Variants in PCDHGA2 observed in about 807,000 individuals in gnomAD.
The protein encoded by PCDHGA2 is protocadherin gamma-A2.
In PCDHGA2, 40 loss-of-function variants were observed where a neutral mutation model predicts 59.2. That is an observed-to-expected ratio of 0.68 (90% confidence interval 0.52 to 0.88). The LOEUF (loss-of-function observed/expected upper bound fraction) is 0.88. Among genes scored for constraint, PCDHGA2 ranks in the 40% least tolerant of loss-of-function variants. The pLI is 0.00. For missense variants in PCDHGA2, 1,226 were observed against 1,204.0 expected (o/e 1.02, Z -0.27); for synonymous variants, 560 against 526.0 (o/e 1.06, Z -0.89).
rs989554651 is a variant in PCDHGA2 at position 141,372,743 on chromosome 5, T to C, written c.2424+31348T>C. 8 of 1,613,498 alleles carry C rather than the reference T, an allele frequency of 5.0e-6. No homozygotes were observed. In the Admixed American group the frequency reaches 5.0e-5, roughly 10 times the overall value. On this transcript the variant is annotated intron_variant, in intron 1 of 3. Transcript: ENST00000394576. ...CTGCACCACAAGATCTTCTATGTGA[T>C]GAAGCCTCTTGGTTTGAAAGTAATG...
At chr5:141,499,022 AAGG>A (rs2099788758) in intron 2 of PCDHGA2, among the ~76,000 whole-genome samples, 3 of 150,722 alleles carry the variant, frequency 2.0e-5, no homozygotes, top group Non-Finnish European at 3.0e-5. Context: ...GGAAGGAAGG[AAGG>A]AAGAAAAGAA....
Position 141,485,684 on chromosome 5 carries a change from A to T in PCDHGA2, c.2425-9123A>T, listed in dbSNP as rs746176226. On this transcript the variant is annotated intron_variant, in intron 1 of 3. Transcript: ENST00000394576. The surrounding 1 kb of genome is among the most constrained non-coding windows in gnomAD (Gnocchi z 5.7). ...GGGGAGCAATTCGATTAGCAGCTAT[A>T]GGCTGAGCTCCAATGAACACTTTGC... 1 of 1,614,056 alleles carries T rather than the reference A, an allele frequency of 6.2e-7. No homozygotes were observed. The highest frequency in any genetic ancestry group is 1.1e-5 in the South Asian group (1 of 91,082).
intron 1 of PCDHGA2, chr5:141,392,938 G>T: frequency 6.2e-7 from 1 of 1,613,954 alleles, no homozygotes; most frequent in Non-Finnish European, 8.5e-7. Flanking sequence ...ACGGACAAAG[G>T]CTCCTTCGTG....
intron 1 of PCDHGA2, chr5:141,428,456 A>G (rs538022786): frequency 1.4e-5 from 5 of 358,650 alleles, no homozygotes; most frequent in South Asian, 1.1e-4. Context: ...TTTCCCAACT[A>G]CAATGAGGGA....
chr5:141,406,390 ATTC>A (rs2094804697), intron 1 of PCDHGA2, among the ~76,000 whole-genome samples: 1 of 152,172 alleles, frequency 6.6e-6, no homozygotes, highest in Non-Finnish European at 1.5e-5. Flanking sequence ...AGGTAAATGT[ATTC>A]TTCTTAGAGA....
chr5:141,356,151 A>G, intron 1 of PCDHGA2: 1 of 1,613,466 alleles, frequency 6.2e-7, no homozygotes, highest in Non-Finnish European at 8.5e-7. Flanking sequence ...TCTATGACAT[A>G]GATGTAGAAG....
chr5:141,366,040 C>A (rs752624619), intron 1 of PCDHGA2: 1 of 1,614,146 alleles, frequency 6.2e-7, no homozygotes, highest in African/African-American at 1.3e-5. Context: ...TCCCCACAGA[C>A]GGTTCCACGG....
At position 141,486,190 on chromosome 5, in the gene PCDHGA2, T is replaced by A; in HGVS notation, c.2425-8617T>A. Reference sequence around the variant, plus strand: ...AGCAACATTGCAGCCTTCGAGTGGATCTGCTGGACGTAAATGACAATGCCC... The same window carrying A: ...AGCAACATTGCAGCCTTCGAGTGGAACTGCTGGACGTAAATGACAATGCCC... On this transcript the variant is annotated intron_variant, in intron 1 of 3. Transcript: ENST00000394576. The surrounding 1 kb of genome is among the most constrained non-coding windows in gnomAD (Gnocchi z 5.0). 1 of 1,614,122 alleles carries A rather than the reference T, an allele frequency of 6.2e-7. No individual in the cohort carries two copies. Among genetic ancestry groups the A allele is most frequent in the South Asian group, 1.1e-5 (1 of 91,070 alleles).
intron 1 of PCDHGA2, chr5:141,388,812 G>C (rs775037681): frequency 6.2e-7 from 1 of 1,613,934 alleles, no homozygotes. Flanking sequence ...TTTTGAAGAA[G>C]TCAAAGAATA....
chr5:141,371,348 G>T (rs1767688523), intron 1 of PCDHGA2: 4 of 1,613,932 alleles, frequency 2.5e-6, no homozygotes, highest in Middle Eastern at 3.3e-4. Flanking sequence ...ACACAATTGG[G>T]GTGGAAGCAA....
chr5:141,454,917 C>T (rs1185153715), intron 1 of PCDHGA2, among the ~76,000 whole-genome samples: 1 of 149,330 alleles, frequency 6.7e-6, no homozygotes, highest in Non-Finnish European at 1.5e-5. Flanking sequence ...ACGCCATTCT[C>T]CTGCCTCAGC....
intron 1 of PCDHGA2, chr5:141,351,290 AC>A: frequency 1.2e-6 from 2 of 1,613,770 alleles, no homozygotes; most frequent in Non-Finnish European, 1.7e-6. Context: ...CCCAGAGGTG[AC>A]ATTCATGTCC....
intron 2 of PCDHGA2, among the ~76,000 whole-genome samples, chr5:141,496,767 T>C (rs2099771224): frequency 6.6e-6 from 1 of 152,040 alleles, no homozygotes; most frequent in Non-Finnish European, 1.5e-5. Flanking sequence ...ATCGAGCATC[T>C]ACTATGAGCA....
intron 3 of PCDHGA2, among the ~76,000 whole-genome samples, chr5:141,505,976 A>G (rs911235674): frequency 1.3e-5 from 2 of 152,136 alleles, no homozygotes; most frequent in Admixed American, 1.3e-4. Context: ...CCCAGCCGAG[A>G]GAACACCTCC....
In PCDHGA2 at chr5:141,486,727, T is replaced by C; in HGVS notation, c.2425-8080T>C. ...TGAACCCCCAGACAGGAGCTGTTCA[T>C]GCTACTCGATCCTTTGACTATGAGC... On this transcript the variant is annotated intron_variant, in intron 1 of 3. Transcript: ENST00000394576. The surrounding 1 kb of genome is among the most constrained non-coding windows in gnomAD (Gnocchi z 5.0). 6.2e-7 allele frequency: 1 copy of C among 1,614,232 alleles called. No homozygotes were observed. Among genetic ancestry groups the C allele is most frequent in the Non-Finnish European group, 8.5e-7 (1 of 1,180,044 alleles).
Position 141,476,793 on chromosome 5 carries a change from C to T in PCDHGA2, c.2425-18014C>T, listed in dbSNP as rs754785656. ...GACGGAGGGACCCCAGCTCTCTCCG[C>T]CAGCCTGCCTATTCACATCAAGGTG... On this transcript the variant is annotated intron_variant, in intron 1 of 3. Transcript: ENST00000394576. The surrounding 1 kb of genome is among the most constrained non-coding windows in gnomAD (Gnocchi z 7.6). 1.2e-6 allele frequency: 2 copies of T among 1,613,642 alleles called. No homozygotes were observed. The highest frequency in any genetic ancestry group is 2.2e-5 in the East Asian group (1 of 44,868).
At position 141,339,413 on chromosome 5, in the gene PCDHGA2, C is replaced by G; in HGVS notation, c.442C>G (p.Pro148Ala). 6.2e-7 allele frequency: 1 copy of G among 1,614,212 alleles called. No individual in the cohort carries two copies. Reference protein sequence around the residue: ...LELKISETTTPGFRIPLKNAH... With the variant: ...LELKISETTTAGFRIPLKNAH... ...GCTAAAAATCAGTGAAACCACTACG[C>G]CAGGATTCCGGATTCCTCTTAAGAA... The change falls in exon 1 of 4, where the codon CCA (proline) becomes GCA (alanine). Residue 148 changes from proline (P) to alanine (A), a missense_variant. Physicochemically the swap from Pro to Ala is conservative, Grantham distance 27. Coordinates refer to ENST00000394576, the MANE Select transcript of PCDHGA2 (RefSeq NM_018915.4).
chr5:141,340,867 G>C lies in PCDHGA2; in HGVS notation c.1896G>C (p.Leu632=), dbSNP rs969932872. ...HTGEVRTARA[L]LDRDALKQSL... is the part of the protein sequence containing the mutation. Reference sequence around the variant, plus strand: ...GCGAGGTGCGCACGGCGCGAGCCCTGCTGGACAGAGACGCGCTCAAGCAGA... The same window carrying C: ...GCGAGGTGCGCACGGCGCGAGCCCTCCTGGACAGAGACGCGCTCAAGCAGA... The change falls in exon 1 of 4, where the codon CTG becomes CTC. Residue 632 remains leucine (L), a synonymous_variant. Transcript: ENST00000394576. 6 of 1,613,676 alleles carry C rather than the reference G, an allele frequency of 3.7e-6. No individual in the cohort carries two copies. The highest frequency in any genetic ancestry group is 5.1e-6 in the Non-Finnish European group (6 of 1,179,932).
intron 1 of PCDHGA2, chr5:141,383,954 T>C: frequency 6.2e-7 from 1 of 1,613,650 alleles, no homozygotes; most frequent in Non-Finnish European, 8.5e-7. Flanking sequence ...ATGACGTCTT[T>C]AAGTAGCTCA....
Sources: gnomAD v4.1 joint callset for allele counts (sites outside exome capture counted in the v4.1 genomes callset) on GRCh38, gnomAD v4.1.1 for gene constraint, Gnocchi (gnomAD v3.1) non-coding constraint, MANE v1.5 for transcripts, NCBI Gene and HGNC (gene_info 2026-07-23, HGNC 2026-07-21) for gene names.